KMT2C: variants seen among roughly 807,000 people sequenced by gnomAD.
KMT2C encodes the protein lysine methyltransferase 2C.
KMT2C carries 88 observed loss-of-function variants against 507.9 expected under a neutral mutation model. The observed-to-expected ratio is 0.17, with a 90% CI of 0.15 to 0.21. KMT2C has a LOEUF of 0.21. KMT2C is among the 10% of genes least tolerant of loss of function. KMT2C has a pLI of 1.00. For missense variants in KMT2C, 4,954 were observed against 5,957.8 expected, an observed-to-expected ratio of 0.83 and a Z score of 5.55; for synonymous variants, 2,049 against 2,080.8, an observed-to-expected ratio of 0.98 and a Z score of 0.42.
At chr7:152,362,926 T>C (rs1016642487) in intron 1 of KMT2C, among the ~76,000 whole-genome samples, 2 of 152,238 alleles carry the variant, frequency 1.3e-5, no homozygotes, top group African/African-American at 2.4e-5. Context: ...CAGAATTCCT[T>C]TCCTTCTGGG....
chr7:152,347,843 G>A lies in KMT2C; in HGVS notation c.250+10744C>T, dbSNP rs536977276. Among the ~76,000 whole-genome samples, 10 of 151,812 alleles carry A rather than the reference G, an allele frequency of 6.6e-5. No homozygotes were observed. The East Asian group carries it at 9.6e-4, about 15-fold the overall frequency. On this transcript the variant is annotated intron_variant, in intron 2 of 58. Coordinates refer to ENST00000262189, the MANE Select transcript of KMT2C (RefSeq NM_170606.3). ...TTTCTAGGCTACACAGTCCATCTAC[G>A]CATTTTTTCAAATTGTCACGAATCT...
Position 152,187,491 on chromosome 7 carries a change from A to G in KMT2C, c.4794-15T>C, listed in dbSNP as rs902239661. The G allele has an allele frequency of 3.1e-6, 5 of 1,594,318 alleles. No individual in the cohort carries two copies. The highest frequency in any genetic ancestry group is 2.2e-5 in the South Asian group (2 of 90,462). The stretch of plus-strand genomic sequence containing the variant: ...AATTTTTATCCCTGGGAAAAAATAA[A>G]TATCTTTACTTTATGAACATAAAAT... On this transcript the variant is annotated splice_polypyrimidine_tract_variant and intron_variant, in intron 32 of 58. Coordinates refer to ENST00000262189, the MANE Select transcript of KMT2C (RefSeq NM_170606.3).
chr7:152,351,493 G>T (rs2097110423), intron 2 of KMT2C, among the ~76,000 whole-genome samples: 2 of 152,188 alleles, frequency 1.3e-5, no homozygotes, highest in Non-Finnish European at 2.9e-5. Flanking sequence ...GTGATCTGCT[G>T]TCATTATGCA....
chr7:152,367,681 T>C, intron 1 of KMT2C: 1 of 1,410,074 alleles, frequency 7.1e-7, no homozygotes, highest in Non-Finnish European at 1.0e-6. Context: ...CTGCTCACAA[T>C]AGCTGACACC....
intron 3 of KMT2C, among the ~76,000 whole-genome samples, chr7:152,316,155 C>A (rs1015351684): frequency 2.0e-5 from 3 of 151,942 alleles, no homozygotes; most frequent in Admixed American, 6.6e-5. Context: ...AAGAGCTGAA[C>A]TGGAAGAAGG....
Position 152,369,859 on chromosome 7 carries a change from T to C in KMT2C, c.162-11184A>G, listed in dbSNP as rs1434673807. ...ACTCTCGGGTATTTTGCTATAGCAA[T>C]AGAAAATGAACTAAAACAGGAATGA... On this transcript the variant is annotated intron_variant, in intron 1 of 58. Transcript: ENST00000262189. Among the ~76,000 whole-genome samples, 10 of 150,952 alleles carry C rather than the reference T, an allele frequency of 6.6e-5. 1 individual carries two copies. In the South Asian group the frequency reaches 1.2e-3, roughly 19 times the overall value.
At chr7:152,321,910 T>C (rs911689848) in intron 3 of KMT2C, among the ~76,000 whole-genome samples, 2 of 151,844 alleles carry the variant, frequency 1.3e-5, no homozygotes, top group African/African-American at 2.4e-5. Context: ...TTCACAGAAA[T>C]AAATTATCCT....
rs190326220 is a variant in KMT2C, at chr7:152,200,217, C to T, written c.4093-758G>A. Reference sequence around the variant, plus strand: ...CAATACAACATTTAACACATTCTTGCCAAACATGCACAAAAAAGTTCACTG... The same window carrying T: ...CAATACAACATTTAACACATTCTTGTCAAACATGCACAAAAAAGTTCACTG... On this transcript the variant is annotated intron_variant, in intron 26 of 58. Transcript: ENST00000262189. Among the ~76,000 whole-genome samples the T allele has an allele frequency of 1.4e-4, 21 of 152,220 alleles. No individual in the cohort carries two copies. In the East Asian group the frequency reaches 1.5e-3, roughly 11 times the overall value.
chr7:152,334,367 G>C (rs2096913811), intron 2 of KMT2C, among the ~76,000 whole-genome samples: 1 of 152,168 alleles, frequency 6.6e-6, no homozygotes, highest in African/African-American at 2.4e-5. Flanking sequence ...CAGGAGAATT[G>C]CTTGAACTTG....
intron 6 of KMT2C, among the ~76,000 whole-genome samples, chr7:152,303,848 C>A (rs2096592895): frequency 2.0e-5 from 3 of 152,024 alleles, no homozygotes; most frequent in African/African-American, 7.2e-5. Flanking sequence ...ATTAGCCAGG[C>A]GTGGTGGTCC....
chr7:152,310,778 G>A (rs2096664771), intron 5 of KMT2C, among the ~76,000 whole-genome samples: 1 of 152,068 alleles, frequency 6.6e-6, no homozygotes, highest in Non-Finnish European at 1.5e-5. Context: ...CAACCTCCAG[G>A]GTTCAAGCAA....
chr7:152,283,707 CTG>C (rs2096255089), intron 6 of KMT2C, among the ~76,000 whole-genome samples: 1 of 152,074 alleles, frequency 6.6e-6, no homozygotes, highest in Non-Finnish European at 1.5e-5. Context: ...GGTGAACAAA[CTG>C]TTTGTGTTTT....
intron 7 of KMT2C, among the ~76,000 whole-genome samples, chr7:152,270,875 A>G (rs1376376970): frequency 6.6e-6 from 1 of 152,032 alleles, no homozygotes; most frequent in Non-Finnish European, 1.5e-5. Flanking sequence ...CTTCACAGAT[A>G]CTCTCTTTAG....
intron 1 of KMT2C, among the ~76,000 whole-genome samples, chr7:152,391,553 T>C (rs2097498699): frequency 6.6e-6 from 1 of 152,110 alleles, no homozygotes; most frequent in Non-Finnish European, 1.5e-5. Context: ...CTTTTTTTTT[T>C]TTTTTTTTTT....
rs577091006 is a variant in KMT2C at position 152,220,590 on chromosome 7, G to A, written c.3645C>T (p.Ala1215=). The change falls in exon 23 of 59, where the codon GCC becomes GCT. Residue 1215 remains alanine (A), a synonymous_variant. Coordinates refer to ENST00000262189, the MANE Select transcript of KMT2C (RefSeq NM_170606.3). The part of the protein sequence containing the change: ...KLKIINQNSV[A]VLQTPPDIQS... ...GGATGTCTGGAGGGGTCTGAAGGACGGCCACGCTATTCTGATTTATAATCT... is the reference window on the plus strand; with the variant it reads ...GGATGTCTGGAGGGGTCTGAAGGACAGCCACGCTATTCTGATTTATAATCT... 30 of 1,611,854 alleles carry A rather than the reference G, an allele frequency of 1.9e-5. No individual in the cohort carries two copies. The East Asian group carries it at 2.9e-4, about 16-fold the overall frequency.
chr7:152,139,224 G>A lies in KMT2C; in HGVS notation c.14496C>T (p.Asp4832=). The A allele has an allele frequency of 6.2e-7, 1 of 1,613,920 alleles. No individual in the cohort carries two copies. Among genetic ancestry groups the A allele is most frequent in the South Asian group, 1.1e-5 (1 of 91,078 alleles). The change falls in exon 57 of 59, where the codon GAC becomes GAT. Residue 4832 remains aspartate, a synonymous_variant. Transcript: ENST00000262189. ...CTGTGAGCGTCGCGTCAATCACATG[G>A]TCGTTATCCATGCGGAACATGTACA... ...RGVYMFRMDN[D]HVIDATLTGG...
chr7:152,280,035 G>A (rs1748997281), intron 6 of KMT2C, among the ~76,000 whole-genome samples: 1 of 152,308 alleles, frequency 6.6e-6, no homozygotes, highest in Non-Finnish European at 1.5e-5. Flanking sequence ...CCAATCAACT[G>A]CCTTTGAATT....
chr7:152,367,874 G>T (rs757948956), intron 1 of KMT2C: 16 of 1,066,188 alleles, frequency 1.5e-5, no homozygotes, highest in Non-Finnish European at 2.3e-5. Flanking sequence ...TTAAACCATT[G>T]GATATTGAGT....
intron 34 of KMT2C, among the ~76,000 whole-genome samples, chr7:152,184,227 A>G (rs1009597742): frequency 1.3e-5 from 2 of 151,928 alleles, no homozygotes; most frequent in African/African-American, 4.8e-5. Context: ...AAAACACAGC[A>G]TATTAACACA....
Sources: gnomAD v4.1 joint callset for allele counts (sites outside exome capture counted in the v4.1 genomes callset) on GRCh38, gnomAD v4.1.1 for gene constraint, MANE v1.5 for transcripts, NCBI Gene and HGNC (gene_info 2026-07-23, HGNC 2026-07-21) for gene names.